The following BORCS5 variants were observed in gnomAD, a reference collection of about 807,000 sequenced individuals.
BORCS5 encodes the protein BLOC-1-related complex subunit 5.
Under a neutral mutation model 22.1 loss-of-function variants are expected in BORCS5, and 17 were observed. The ratio of observed to expected loss-of-function variants is 0.77; its 90% CI spans 0.53 to 1.15. The LOEUF (loss-of-function observed/expected upper bound fraction) is 1.15. BORCS5 is among the 50% of genes most tolerant of loss of function. BORCS5 has a pLI of 0.00. For missense variants in BORCS5, 247 were observed against 253.2 expected (o/e 0.98, Z 0.17); for synonymous variants, 117 against 99.8 (o/e 1.17, Z -1.03).
At chr12:12,443,436 T>A (rs1741259859) in intron 3 of BORCS5, among the ~76,000 whole-genome samples, 1 of 152,228 alleles carries the variant, frequency 6.6e-6, no homozygotes, top group Admixed American at 6.5e-5. Context: ...TGGGCAACCT[T>A]TCTTTTCTGT....
chr12:12,417,991 T>C (rs1942012874), intron 2 of BORCS5, among the ~76,000 whole-genome samples: 1 of 296 alleles, frequency 3.4e-3, no homozygotes, highest in Admixed American at 0.024. Context: ...TCAAACCATT[T>C]ATTTATTTAT....
rs1241891304 is a variant in BORCS5, at chr12:12,413,927, C to G, written c.203-21701C>G. On this transcript the variant is annotated intron_variant, in intron 2 of 3. Transcript: ENST00000314565. ...CTCCCGGACTGGGCGGCTGGCCGGGCGGGGGGCTGACCCCCCCACCTCCCT... is the reference window on the plus strand; with the variant it reads ...CTCCCGGACTGGGCGGCTGGCCGGGGGGGGGGCTGACCCCCCCACCTCCCT... 5.5e-5 allele frequency among the ~76,000 whole-genome samples: 3 copies of G among 54,876 alleles called. 1 individual carries two copies. The allele number at this position is 54,876 out of a possible 152,430, so 36.0% of individuals were successfully genotyped here.
chr12:12,418,995 A>G (rs945341088), intron 2 of BORCS5, among the ~76,000 whole-genome samples: 41 of 152,114 alleles, frequency 2.7e-4, no homozygotes, highest in African/African-American at 9.4e-4. Flanking sequence ...GCAGTGAAAC[A>G]TTTATATTCC....
At chr12:12,392,943 G>A (rs780374351) in intron 2 of BORCS5, among the ~76,000 whole-genome samples, 2 of 152,106 alleles carry the variant, frequency 1.3e-5, no homozygotes, top group Admixed American at 1.3e-4. Flanking sequence ...CATAAAAAAA[G>A]GTCGGCCAGG....
At chr12:12,376,463 G>T (rs1183874651) in intron 2 of BORCS5, among the ~76,000 whole-genome samples, 1 of 152,028 alleles carries the variant, frequency 6.6e-6, no homozygotes, top group East Asian at 1.9e-4. Flanking sequence ...TCTATCTCCT[G>T]ACCTCGTGAT....
intron 2 of BORCS5, among the ~76,000 whole-genome samples, chr12:12,414,164 C>G (rs1754706435): frequency 2.0e-5 from 2 of 98,416 alleles, no homozygotes; most frequent in Non-Finnish European, 4.4e-5. Flanking sequence ...GGGGGCTGAC[C>G]CCCCCACCTC....
At position 12,470,737 on chromosome 12, in the gene BORCS5, A is replaced by G. The variant is rs1943284226; in HGVS notation, c.*4961A>G. ...ATTCAAATGCTATGGCTACAGAGGG[A>G]AAGGGTAGCCAGATAATTATCCACA... On this transcript the variant is annotated 3_prime_UTR_variant, in exon 4 of 4. Transcript: ENST00000314565. 6.7e-6 allele frequency among the ~76,000 whole-genome samples: 1 copy of G among 150,006 alleles called. No homozygotes were observed. The highest frequency in any genetic ancestry group is 2.5e-5 in the African/African-American group (1 of 40,636).
chr12:12,415,325 T>C (rs1941905850), intron 2 of BORCS5, among the ~76,000 whole-genome samples: 1 of 149,676 alleles, frequency 6.7e-6, no homozygotes, highest in South Asian at 2.1e-4. Context: ...GGCTGGCGGA[T>C]CACTCGCGGT....
intron 3 of BORCS5, among the ~76,000 whole-genome samples, chr12:12,437,880 A>G (rs886197473): frequency 1.3e-5 from 2 of 152,132 alleles, no homozygotes; most frequent in African/African-American, 4.8e-5. Flanking sequence ...CTCCAACCTC[A>G]GCTTCCTGAG....
At chr12:12,418,570 C>T (rs1161149886) in intron 2 of BORCS5, among the ~76,000 whole-genome samples, 1 of 152,022 alleles carries the variant, frequency 6.6e-6, no homozygotes, top group Non-Finnish European at 1.5e-5. Context: ...GTCTGTAGTC[C>T]CAGCTACTTG....
intron 1 of BORCS5, among the ~76,000 whole-genome samples, chr12:12,358,700 T>C (rs1432844569): frequency 6.6e-6 from 1 of 152,202 alleles, no homozygotes; most frequent in Non-Finnish European, 1.5e-5. Flanking sequence ...TTACATATAA[T>C]TTTTGCAGTA....
chr12:12,463,799 A>G (rs1431916061), intron 3 of BORCS5, among the ~76,000 whole-genome samples: 1 of 152,226 alleles, frequency 6.6e-6, no homozygotes, highest in African/African-American at 2.4e-5. Flanking sequence ...AACAGTCTTC[A>G]TCAGGTGTGA....
chr12:12,425,623 CTGTT>C (rs1397621670), intron 2 of BORCS5, among the ~76,000 whole-genome samples: 1 of 152,216 alleles, frequency 6.6e-6, no homozygotes, highest in Non-Finnish European at 1.5e-5. Context: ...TGCTTATTGG[CTGTT>C]TGTATATCTC....
chr12:12,442,702 G>A (rs1221848829), intron 3 of BORCS5, among the ~76,000 whole-genome samples: 2 of 152,168 alleles, frequency 1.3e-5, no homozygotes, highest in Non-Finnish European at 2.9e-5. Context: ...GACTAAGATG[G>A]TATTAGAAGG....
At chr12:12,445,518 A>AT (rs1942768301) in intron 3 of BORCS5, among the ~76,000 whole-genome samples, 2 of 51,972 alleles carry the variant, frequency 3.8e-5, no homozygotes, top group Non-Finnish European at 8.2e-5. Context: ...TTTTTTTTCA[A>AT]TTTGAAATAC....
At chr12:12,460,159 C>G (rs1943076564) in intron 3 of BORCS5, among the ~76,000 whole-genome samples, 1 of 152,214 alleles carries the variant, frequency 6.6e-6, no homozygotes, top group South Asian at 2.1e-4. Flanking sequence ...TGATATACTT[C>G]ATTTCTTGAG....
At chr12:12,453,350 A>G (rs1437748854) in intron 3 of BORCS5, among the ~76,000 whole-genome samples, 1 of 152,214 alleles carries the variant, frequency 6.6e-6, no homozygotes, top group Admixed American at 6.5e-5. Context: ...TGGTATGGCT[A>G]ATGTAAAGAT....
chr12:12,379,544 CG>C (rs1048979213), intron 2 of BORCS5, among the ~76,000 whole-genome samples: 36 of 151,562 alleles, frequency 2.4e-4, no homozygotes, highest in Middle Eastern at 3.4e-3. Context: ...ACTGAGAGGT[CG>C]GATGTCAACA....
chr12:12,357,136 C>G lies in BORCS5; in HGVS notation c.-316C>G, dbSNP rs917823390. ...GTGAACCAGTGAGTGAAAGCGGCGC[C>G]GCCCGCCGGCCGCAGGTGCGGCAAA... is the stretch of plus-strand genomic sequence containing the variant. On this transcript the variant is annotated 5_prime_UTR_variant, in exon 1 of 4. Transcript: ENST00000314565. 5 of 1,527,688 alleles carry G rather than the reference C, an allele frequency of 3.3e-6. No individual in the cohort carries two copies. In the African/African-American group the frequency reaches 6.9e-5, roughly 21 times the overall value. The allele number at this position is 1,527,688 out of a possible 1,614,324, so 94.6% of individuals were successfully genotyped here. A position where few individuals can be genotyped will look rare whatever the true frequency, so the allele number is the denominator to read the frequency against.
Sources: allele counts gnomAD v4.1 joint callset (sites outside exome capture counted in the v4.1 genomes callset), GRCh38; gene constraint gnomAD v4.1.1; transcripts MANE v1.5; gene names NCBI Gene and HGNC (gene_info 2026-07-23, HGNC 2026-07-21).